The following GOLGA6L22 variants were observed in gnomAD, a reference collection of about 807,000 sequenced individuals.
GOLGA6L22 encodes the protein golgin subfamily A member 6-like protein 22.
In GOLGA6L22, 28 loss-of-function variants were observed where a neutral mutation model predicts 77.1. That is an observed-to-expected ratio of 0.36 (90% CI 0.27 to 0.50). GOLGA6L22 has a LOEUF of 0.50. GOLGA6L22 is among the 20% of genes least tolerant of loss of function. The probability of loss-of-function intolerance (pLI) is 0.97; values close to 1 mark genes in which losing one functional copy is unlikely to be tolerated. For synonymous variants in GOLGA6L22, 62 were observed against 185.3 expected (o/e 0.33, Z 5.41); for missense variants, 250 against 620.4 (o/e 0.40, Z 6.34).
chr15:22,462,023 T>C lies in GOLGA6L22; in HGVS notation c.181-11T>C, dbSNP rs1453629980. 8 of 1,461,520 alleles carry C rather than the reference T, an allele frequency of 5.5e-6. 2 individuals are homozygous for C. Among genetic ancestry groups the C allele is most frequent in the Non-Finnish European group, 7.3e-6 (8 of 1,099,652 alleles). 90.5% of individuals were successfully genotyped at this position (1,461,520 alleles called of 1,614,324 possible). On this transcript the variant is annotated splice_polypyrimidine_tract_variant and intron_variant, in intron 2 of 8. Transcript: ENST00000622895. ...ACCCCTAGTAAGAGCTCTGTTTTCC[T>C]CTTTCTATAGGAACAGAAGGCAAGC...
chr15:22,463,329 G>A (rs1468460509), intron 5 of GOLGA6L22, among the ~76,000 whole-genome samples: 1 of 147,396 alleles, frequency 6.8e-6, no homozygotes, highest in Non-Finnish European at 1.5e-5. Flanking sequence ...CTCTTTCCCT[G>A]TCCCTTCCAC....
At chr15:22,469,038 T>A (rs1887782179) in exon 9 of GOLGA6L22, 1 of 135,022 alleles carries the variant, frequency 7.4e-6, no homozygotes, top group Non-Finnish European at 1.5e-5. Flanking sequence ...AGCCAGCTGA[T>A]GAACATGCTG....
chr15:22,466,103 CGGGAGCAGGAGGAGAAGATA>C lies in GOLGA6L22; in HGVS notation c.1712_1731del (p.Arg571ProfsTer197). On this transcript the variant is annotated frameshift_variant, in exon 8 of 9. Transcript: ENST00000622895. LOFTEE classifies it high-confidence loss of function. ...GATAAGGGAGCAGGAGGAGAAGATACGGGAGCAGGAGGAGAAGATACGGGAGCAGGAGGAGAAGATACGAG... is the reference window on the plus strand; with the variant it reads ...GATAAGGGAGCAGGAGGAGAAGATACCGGGAGCAGGAGGAGAAGATACGAG... 1.1e-6 allele frequency: 1 copy of C among 904,842 alleles called. No homozygotes were observed. The highest frequency in any genetic ancestry group is 1.6e-5 in the South Asian group (1 of 62,408). The allele number at this position is 904,842 out of a possible 1,614,324, so 56.1% of individuals were successfully genotyped here.
chr15:22,463,611 A>G (rs1329299457), intron 5 of GOLGA6L22, among the ~76,000 whole-genome samples: 2,830 of 130,296 alleles, frequency 0.022, 43 homozygotes, highest in African/African-American at 0.085. Flanking sequence ...AGATTGTGCC[A>G]TTGCACTCCA....
chr15:22,464,809 A>G lies in GOLGA6L22; in HGVS notation c.634-217A>G, dbSNP rs1180956338. ...ACTACAGGTGCCCACCACCACACCC[A>G]GCTAATTTTTTGTATTTTTAGTAGA... On this transcript the variant is annotated intron_variant, in intron 7 of 8. Transcript: ENST00000622895. Among the ~76,000 whole-genome samples, 38 of 122,952 alleles carry G rather than the reference A, an allele frequency of 3.1e-4. 2 individuals carry two copies. Among genetic ancestry groups the G allele is most frequent in the East Asian group, 2.0e-3 (9 of 4,528 alleles). The allele number at this position is 122,952 out of a possible 152,430, so 80.7% of individuals were successfully genotyped here. A position where few individuals can be genotyped will look rare whatever the true frequency, so the allele number is the denominator to read the frequency against.
At position 22,464,741 on chromosome 15, in the gene GOLGA6L22, G is replaced by A. The variant is rs562562298; in HGVS notation, c.634-285G>A. ...TCGGCTCACTGCAAGCTCCAACCCC[G>A]GCTTCACGCCATTCTCCTGCCTCAG... On this transcript the variant is annotated intron_variant, in intron 7 of 8. Transcript: ENST00000622895. 6.6e-3 allele frequency among the ~76,000 whole-genome samples: 867 copies of A among 130,592 alleles called. 141 individuals carry two copies. Among genetic ancestry groups the A allele is most frequent in the African/African-American group, 0.028 (833 of 30,138 alleles). The allele number at this position is 130,592 out of a possible 152,430, so 85.7% of individuals were successfully genotyped here.
intron 5 of GOLGA6L22, 142 bp from the exon 6 acceptor site, chr15:22,463,699 C>T: frequency 3.8e-6 from 2 of 525,136 alleles, no homozygotes; most frequent in Non-Finnish European, 6.6e-6. Context: ...AGACCATGGG[C>T]TTGGAAATGC....
chr15:22,464,585 A>AT (rs1026907440), intron 7 of GOLGA6L22, among the ~76,000 whole-genome samples: 3 of 128,496 alleles, frequency 2.3e-5, no homozygotes, highest in African/African-American at 1.0e-4. Flanking sequence ...GCTTAAAAAT[A>AT]TTTTTTTAAA....
At chr15:22,464,837 C>T (rs1208383331) in intron 7 of GOLGA6L22, among the ~76,000 whole-genome samples, 186 bp from the exon 8 acceptor site, 7 of 124,538 alleles carry the variant, frequency 5.6e-5, no homozygotes, top group East Asian at 2.2e-4. Context: ...TTAGTAGAGA[C>T]GGGGTTTCAC....
In GOLGA6L22 at chr15:22,461,971, C is replaced by T; in HGVS notation, c.181-63C>T. ...TGGGACAGTGGTGCCATTCTGGGGG[C>T]ATGTCTCTTGCTGTGGATCTCTGCC... On this transcript the variant is annotated intron_variant, in intron 2 of 8. Coordinates refer to ENST00000622895, the Ensembl canonical transcript of GOLGA6L22. 3 of 1,426,564 alleles carry T rather than the reference C, an allele frequency of 2.1e-6. 1 individual carries two copies. Among genetic ancestry groups the T allele is most frequent in the Non-Finnish European group, 2.8e-6 (3 of 1,064,550 alleles). 88.4% of individuals were successfully genotyped at this position (1,426,564 alleles called of 1,614,324 possible). A position where few individuals can be genotyped will look rare whatever the true frequency, so the allele number is the denominator to read the frequency against.
chr15:22,461,882 C>A (rs1887538805), intron 2 of GOLGA6L22, among the ~76,000 whole-genome samples, 152 bp from the exon 3 acceptor site: 1 of 125,888 alleles, frequency 7.9e-6, no homozygotes, highest in Non-Finnish European at 1.6e-5. Flanking sequence ...GAAGGCTCAC[C>A]CCCAAGATTC....
intron 2 of GOLGA6L22, 126 bp from the exon 3 acceptor site, chr15:22,461,907 AG>A: frequency 1.1e-6 from 1 of 896,256 alleles, no homozygotes. Context: ...CCATCCCCAC[AG>A]GGTCCCTGAT....
exon 2 of GOLGA6L22, chr15:22,460,946 G>A (rs1018286935): frequency 1.3e-6 from 2 of 1,530,092 alleles, no homozygotes; most frequent in African/African-American, 1.7e-5. Flanking sequence ...CTCGCCTGAG[G>A]ATGTGAGTCT....
At chr15:22,464,713 A>G (rs1887623000) in intron 7 of GOLGA6L22, among the ~76,000 whole-genome samples, 1 of 129,690 alleles carries the variant, frequency 7.7e-6, no homozygotes, top group South Asian at 2.5e-4. Flanking sequence ...CAGTGGCGCA[A>G]TCTCGGCTCA....
In GOLGA6L22 at chr15:22,463,125, T is replaced by A. The variant is rs1332769857; in HGVS notation, c.432+657T>A. 1.5e-5 allele frequency among the ~76,000 whole-genome samples: 2 copies of A among 130,454 alleles called. 1 individual carries two copies. The highest frequency in any genetic ancestry group is 7.0e-5 in the African/African-American group (2 of 28,644). 85.6% of individuals were successfully genotyped at this position (130,454 alleles called of 152,430 possible). On this transcript the variant is annotated intron_variant, in intron 5 of 8. Transcript: ENST00000622895. The stretch of plus-strand genomic sequence containing the variant: ...GCAGCACTTAACCTTTAATACCACA[T>A]GTTTTTCATCTACACAATAGAGGTA...
chr15:22,463,433 C>A (rs1341594747), intron 5 of GOLGA6L22, among the ~76,000 whole-genome samples: 1 of 137,694 alleles, frequency 7.3e-6, no homozygotes, highest in Non-Finnish European at 1.6e-5. Context: ...GGGCGGATCA[C>A]CTGCGGTCAG....
chr15:22,465,630 T>C lies in GOLGA6L22; in HGVS notation c.1238T>C (p.Ile413Thr), dbSNP rs759272880. The change falls in exon 8 of 9, where the codon ATA becomes ACA. Residue 413 changes from isoleucine to threonine, a missense_variant. Ile to Thr is a moderately conservative substitution (Grantham distance 89). Coordinates refer to ENST00000622895, the Ensembl canonical transcript of GOLGA6L22. ...GAGAAGATAAGGGAGCAGGAGGAGA[T>C]ATGGAGGCAAAAGGAGAAGATGCAC... The C allele has an allele frequency of 8.8e-3, 3,742 of 425,372 alleles. 136 individuals are homozygous for C. Among genetic ancestry groups the C allele is most frequent in the Middle Eastern group, 0.032 (43 of 1,360 alleles). The allele number at this position is 425,372 out of a possible 1,614,324, so 26.3% of individuals were successfully genotyped here. A position where few individuals can be genotyped will look rare whatever the true frequency, so the allele number is the denominator to read the frequency against.
Position 22,465,863 on chromosome 15 carries a change from G to A in GOLGA6L22, c.1471G>A (p.Glu491Lys), listed in dbSNP as rs1342352728. The change falls in exon 8 of 9, where the codon GAG (glutamate) becomes AAG (lysine). Residue 491 changes from glutamate (E) to lysine (K), a missense_variant. Coordinates refer to ENST00000622895, the Ensembl canonical transcript of GOLGA6L22. Reference sequence around the variant, plus strand: ...ACGGGAGCAGGAGGAGAAGATACGGGAGCAGGAGGAGATGTGGAGGGAGGA... The same window carrying A: ...ACGGGAGCAGGAGGAGAAGATACGGAAGCAGGAGGAGATGTGGAGGGAGGA... 6.4e-6 allele frequency: 9 copies of A among 1,399,336 alleles called. 1 individual carries two copies. In the Admixed American group the frequency reaches 2.0e-4, roughly 32 times the overall value. The allele number at this position is 1,399,336 out of a possible 1,614,324, so 86.7% of individuals were successfully genotyped here. A position where few individuals can be genotyped will look rare whatever the true frequency, so the allele number is the denominator to read the frequency against.
exon 8 of GOLGA6L22, chr15:22,466,171 A>ACAGGAAGAGAAGATGGGGGAG: frequency 4.3e-6 from 3 of 704,646 alleles, no homozygotes; most frequent in South Asian, 3.3e-5. Flanking sequence ...TGATGCAGGA[A>ACAGGAAGAGAAGATGGGGGAG]CAGGAAGAGA....
Sources: allele counts gnomAD v4.1 joint callset (sites outside exome capture counted in the v4.1 genomes callset), GRCh38; gene constraint gnomAD v4.1.1; transcripts MANE v1.5; gene names NCBI Gene and HGNC (gene_info 2026-07-23, HGNC 2026-07-21).